Variants in SUGP1 observed in about 807,000 individuals in gnomAD.
SUGP1 encodes the protein SURP and G-patch domain-containing protein 1.
In SUGP1, 34 loss-of-function variants were observed where a neutral mutation model predicts 76.5. The ratio of observed to expected loss-of-function variants is 0.44; its 90% CI spans 0.34 to 0.59. The LOEUF is 0.59. Among genes scored for constraint, SUGP1 ranks in the 20% least tolerant of loss-of-function variants. The pLI, the probability that SUGP1 is intolerant of heterozygous loss-of-function variation, is 0.01. For missense variants in SUGP1, 752 were observed against 851.7 expected (o/e 0.88, Z 1.46); for synonymous variants, 326 against 326.2 (o/e 1.00, Z 0.01).
chr19:19,286,865 G>A (rs777557027), intron 8 of SUGP1, among the ~76,000 whole-genome samples: 11 of 152,086 alleles, frequency 7.2e-5, no homozygotes, highest in Non-Finnish European at 1.6e-4. Context: ...CTAACATGGC[G>A]AAACCACATG....
At chr19:19,301,499 A>C (rs932362310) in intron 7 of SUGP1, among the ~76,000 whole-genome samples, 1 of 152,208 alleles carries the variant, frequency 6.6e-6, no homozygotes, top group Non-Finnish European at 1.5e-5. Context: ...GATGAAGTCT[A>C]GGGCTGCTGA....
intron 3 of SUGP1, 146 bp downstream of exon 3, chr19:19,309,951 C>T (rs1170815008): frequency 2.0e-6 from 1 of 501,170 alleles, no homozygotes; most frequent in African/African-American, 1.9e-5. Context: ...TTATTTATGC[C>T]TTTGGTGCAC....
chr19:19,314,373 C>A (rs937995111), intron 2 of SUGP1, among the ~76,000 whole-genome samples: 1 of 151,862 alleles, frequency 6.6e-6, no homozygotes, highest in African/African-American at 2.4e-5. Flanking sequence ...CAGAAAAACA[C>A]CTCAACACTC....
chr19:19,306,085 G>T lies in SUGP1; in HGVS notation c.311-9C>A, dbSNP rs532376439. 15 of 1,571,596 alleles carry T rather than the reference G, an allele frequency of 9.5e-6. No homozygotes were observed. The African/African-American group carries it at 1.9e-4, about 20-fold the overall frequency. On this transcript the variant is annotated splice_polypyrimidine_tract_variant and intron_variant, in intron 3 of 13. Transcript: ENST00000247001. ...CGCACTGGTCGGGGCGTCTGGTATA[G>T]AAGGAAGGATATGCGCACTCGGGAT...
At chr19:19,310,947 T>C (rs1023587281) in intron 2 of SUGP1, among the ~76,000 whole-genome samples, 3 of 152,050 alleles carry the variant, frequency 2.0e-5, no homozygotes, top group Non-Finnish European at 4.4e-5. Context: ...CTGACCTATT[T>C]ATTTAAGAGA....
chr19:19,278,629 G>A, intron 11 of SUGP1, 61 bp downstream of exon 11: 8 of 1,463,058 alleles, frequency 5.5e-6, no homozygotes, highest in Non-Finnish European at 7.5e-6. Context: ...TGCAGGGTGA[G>A]GCAGCTACAG....
At chr19:19,291,725 T>TA (rs542128423) in intron 8 of SUGP1, among the ~76,000 whole-genome samples, 27 of 148,056 alleles carry the variant, frequency 1.8e-4, no homozygotes, top group South Asian at 6.4e-4. Context: ...CCGTCTCTAC[T>TA]AAAAAAAAAA....
At chr19:19,300,064 C>T (rs1007836351) in intron 7 of SUGP1, among the ~76,000 whole-genome samples, 21 of 151,540 alleles carry the variant, frequency 1.4e-4, no homozygotes, top group African/African-American at 5.1e-4. Context: ...AGGTGTGAGC[C>T]ACCAAGCCCA....
rs1179685803 is a variant in SUGP1, at chr19:19,305,899, G to A, written c.488C>T (p.Ser163Phe). ...PVAHRPSVFQSPDEDEEEDYE... is the reference protein window; with the variant it reads ...PVAHRPSVFQFPDEDEEEDYE... ...GTCCTCCTCCTCGTCCTCGTCAGGG[G>A]ACTGGAAGACACTCGGGCGGTGCGC... Residue 163 changes from serine (S) to phenylalanine (F), a missense_variant, in exon 4 of 14, where the codon TCC becomes TTC. Ser to Phe is a radical substitution (Grantham distance 155). Transcript: ENST00000247001. The A allele has an allele frequency of 3.1e-6, 5 of 1,613,536 alleles. No individual in the cohort carries two copies. Among genetic ancestry groups the A allele is most frequent in the Non-Finnish European group, 3.4e-6 (4 of 1,179,898 alleles).
chr19:19,310,133 G>T lies in SUGP1; in HGVS notation c.274C>A (p.Gln92Lys). The T allele has an allele frequency of 6.2e-7, 1 of 1,613,704 alleles. No individual in the cohort carries two copies. The change falls in exon 3 of 14, where the codon CAG becomes AAG. Residue 92 changes from glutamine to lysine, a missense_variant. Gln to Lys is a moderately conservative substitution (Grantham distance 53). Transcript: ENST00000247001. Reference sequence around the variant, plus strand: ...TGTGCCTTCTGCAACTTCAGAAACTGCTGCAAGAAGCTACCATCGTTGGCA... The same window carrying T: ...TGTGCCTTCTGCAACTTCAGAAACTTCTGCAAGAAGCTACCATCGTTGGCA... ...KFANDGSFLQ[Q>K]FLKLQKAQTS...
At chr19:19,279,098 G>A (rs889005849) in intron 10 of SUGP1, 115 bp downstream of exon 10, 10 of 1,202,982 alleles carry the variant, frequency 8.3e-6, no homozygotes, top group South Asian at 1.6e-5. Context: ...AGCAGGCTGG[G>A]GGCTAAACCA....
At chr19:19,282,939 T>A (rs945630151) in intron 8 of SUGP1, among the ~76,000 whole-genome samples, 2 of 151,982 alleles carry the variant, frequency 1.3e-5, no homozygotes, top group Non-Finnish European at 2.9e-5. Context: ...TAGCCAGGCG[T>A]GGTGGCAGGC....
intron 8 of SUGP1, among the ~76,000 whole-genome samples, chr19:19,289,678 G>A (rs566956133): frequency 2.0e-5 from 3 of 152,238 alleles, no homozygotes; most frequent in Non-Finnish European, 2.9e-5. Context: ...AACCTGGGAG[G>A]TAGAGGTTGC....
chr19:19,287,217 G>C (rs1454326926), intron 8 of SUGP1, among the ~76,000 whole-genome samples: 2 of 152,102 alleles, frequency 1.3e-5, no homozygotes, highest in Non-Finnish European at 2.9e-5. Context: ...GCTGCAGTGA[G>C]CCGAGATCGT....
chr19:19,314,850 C>A (rs1246845610), intron 2 of SUGP1, among the ~76,000 whole-genome samples: 1 of 152,096 alleles, frequency 6.6e-6, no homozygotes, highest in African/African-American at 2.4e-5. Context: ...GCCTGACCAA[C>A]AAGGAGAAAC....
intron 11 of SUGP1, 113 bp downstream of exon 11, chr19:19,278,570 GCCTGGCT>G: frequency 1.2e-6 from 1 of 819,782 alleles, no homozygotes. Flanking sequence ...CAGCGAAAAG[GCCTGGCT>G]CCTGCTGTGA....
chr19:19,291,888 G>GTC (rs796686428), intron 8 of SUGP1, among the ~76,000 whole-genome samples: 791 of 65,372 alleles, frequency 0.012, 7 homozygotes, highest in Admixed American at 0.043. Flanking sequence ...GTGAGACTCT[G>GTC]TCACACACAC....
intron 4 of SUGP1, 62 bp from the exon 5 acceptor site, chr19:19,303,909 C>A (rs1391236897): frequency 6.2e-7 from 1 of 1,609,698 alleles, no homozygotes; most frequent in African/African-American, 1.3e-5. Context: ...TAGGCACACT[C>A]TCTCTATGGA....
At chr19:19,307,953 C>T (rs2146621836) in intron 3 of SUGP1, among the ~76,000 whole-genome samples, 1 of 152,342 alleles carries the variant, frequency 6.6e-6, no homozygotes, top group East Asian at 1.9e-4. Context: ...GCGTGAGCCA[C>T]TGTGCCCAGT....
Sources: allele counts gnomAD v4.1 joint callset (sites outside exome capture counted in the v4.1 genomes callset), GRCh38; gene constraint gnomAD v4.1.1; transcripts MANE v1.5; gene names NCBI Gene and HGNC (gene_info 2026-07-23, HGNC 2026-07-21).